LRPPRC: variants seen among roughly 807,000 people sequenced by gnomAD.
LRPPRC encodes the protein leucine-rich PPR motif-containing protein, mitochondrial.
A neutral mutation model predicts 180.3 loss-of-function variants in LRPPRC; 120 were observed. The observed-to-expected ratio is 0.67, with a 90% CI of 0.57 to 0.77. The LOEUF is 0.77. LRPPRC is among the 30% of genes least tolerant of loss of function. The pLI, the probability that LRPPRC is intolerant of heterozygous loss-of-function variation, is 0.00. For missense variants in LRPPRC, 2,012 were observed against 1,657.2 expected (o/e 1.21, Z -3.72); for synonymous variants, 723 against 600.0 (o/e 1.21, Z -3.00).
chr2:43,905,625 G>T, intron 31 of LRPPRC, 67 bp downstream of exon 31: 1 of 1,127,332 alleles, frequency 8.9e-7, no homozygotes, highest in Non-Finnish European at 1.4e-6. Flanking sequence ...CCAAGTATTC[G>T]AAGGGCGTTA....
chr2:43,970,009 A>AT (rs1008072228), intron 11 of LRPPRC, among the ~76,000 whole-genome samples: 1 of 152,056 alleles, frequency 6.6e-6, no homozygotes, highest in African/African-American at 2.4e-5. Flanking sequence ...TAATAACTTA[A>AT]TTTTTTTCAG....
At position 43,918,395 on chromosome 2, in the gene LRPPRC, A is replaced by T; in HGVS notation, c.2900T>A (p.Ile967Lys). The change falls in exon 28 of 38, where the codon ATA becomes AAA. Residue 967 changes from isoleucine (I) to lysine (K), a missense_variant. By Grantham distance (102) the Ile-to-Lys change is moderately radical (BLOSUM62 -3). Coordinates refer to ENST00000260665, the MANE Select transcript of LRPPRC (RefSeq NM_133259.4). ...ATCAGCTCTTTGCCAGTCACCGTTT[A>T]TTTCTGTAGAATTTGATTAAGCAGA... ...MYYNLLKLYK[I>K]NGDWQRADAV... 1 of 1,606,858 alleles carries T rather than the reference A, an allele frequency of 6.2e-7. No homozygotes were observed. Among genetic ancestry groups the T allele is most frequent in the Non-Finnish European group, 8.5e-7 (1 of 1,173,616 alleles).
intron 14 of LRPPRC, among the ~76,000 whole-genome samples, chr2:43,954,833 G>A (rs1673041979): frequency 6.6e-6 from 1 of 152,142 alleles, no homozygotes; most frequent in Non-Finnish European, 1.5e-5. Flanking sequence ...AGATATAAAT[G>A]CTTAGATTTA....
At chr2:43,961,421 T>C (rs1673342695) in intron 12 of LRPPRC, among the ~76,000 whole-genome samples, 1 of 152,138 alleles carries the variant, frequency 6.6e-6, no homozygotes, top group African/African-American at 2.4e-5. Context: ...AGGTGGATAA[T>C]AGGAACAGTA....
At chr2:43,934,146 G>C in intron 25 of LRPPRC, 44 bp downstream of exon 25, 1 of 1,086,560 alleles carries the variant, frequency 9.2e-7, no homozygotes, top group Non-Finnish European at 1.4e-6. Flanking sequence ...CTAATTAAGA[G>C]TCTAAATAGC....
At chr2:43,951,301 C>T (rs922368292) in intron 14 of LRPPRC, among the ~76,000 whole-genome samples, 1 of 152,044 alleles carries the variant, frequency 6.6e-6, no homozygotes, top group African/African-American at 2.4e-5. Flanking sequence ...TTTGGTTAGG[C>T]TACAAAGAGC....
At chr2:43,912,679 T>C (rs1311938716) in intron 29 of LRPPRC, 121 bp from the exon 30 acceptor site, 7 of 704,534 alleles carry the variant, frequency 9.9e-6, no homozygotes, top group African/African-American at 1.8e-5. Flanking sequence ...ACCAACCCAC[T>C]GTTACCACTC....
intron 30 of LRPPRC, among the ~76,000 whole-genome samples, chr2:43,910,397 G>A (rs1671214731): frequency 6.6e-6 from 1 of 152,010 alleles, no homozygotes; most frequent in Non-Finnish European, 1.5e-5. Context: ...ACCACACACG[G>A]CTAATTTTTA....
chr2:43,974,499 G>C (rs1673961590), intron 8 of LRPPRC, 115 bp downstream of exon 8: 1 of 855,056 alleles, frequency 1.2e-6, no homozygotes, highest in Non-Finnish European at 1.9e-6. Context: ...CTGACTTTAA[G>C]AGTTCTATGT....
chr2:43,890,332 C>T (rs1343906089), intron 36 of LRPPRC: 2 of 470,048 alleles, frequency 4.3e-6, no homozygotes, highest in Non-Finnish European at 4.4e-6. Context: ...TCAAGATCAT[C>T]AGCTCAACAT....
In LRPPRC at chr2:43,923,702, GT is replaced by G. The variant is rs796502073; in HGVS notation, c.2896+1364del. On this transcript the variant is annotated intron_variant, in intron 27 of 37. Transcript: ENST00000260665. Reference sequence around the variant, plus strand: ...TCTAGCACACAGTAAGGGCTTCATAGTTTTTTTTTTTTTTTTCTGAATCCAA... The same window carrying G: ...TCTAGCACACAGTAAGGGCTTCATAGTTTTTTTTTTTTTTTCTGAATCCAA... Among the ~76,000 whole-genome samples, 459 of 137,610 alleles carry G rather than the reference GT, an allele frequency of 3.3e-3. 3 individuals are homozygous for G. The highest frequency in any genetic ancestry group is 0.017 in the South Asian group (74 of 4,296). 90.3% of individuals were successfully genotyped at this position (137,610 alleles called of 152,430 possible).
intron 21 of LRPPRC, 50 bp downstream of exon 21, chr2:43,946,063 T>G: frequency 6.3e-7 from 1 of 1,579,914 alleles, no homozygotes; most frequent in Non-Finnish European, 8.7e-7. Flanking sequence ...TATCAAGGTC[T>G]GTAGAGCAGA....
At chr2:43,991,081 G>A (rs910078503) in intron 1 of LRPPRC, among the ~76,000 whole-genome samples, 3 of 150,620 alleles carry the variant, frequency 2.0e-5, no homozygotes, top group Non-Finnish European at 4.4e-5. Context: ...TGAGGCTGGA[G>A]TGCAGTGGCC....
chr2:43,978,962 T>G (rs1674179345), intron 3 of LRPPRC, among the ~76,000 whole-genome samples: 1 of 152,128 alleles, frequency 6.6e-6, no homozygotes, highest in Non-Finnish European at 1.5e-5. Flanking sequence ...CTAAAAATAA[T>G]AACTTCTTGT....
At chr2:43,984,822 G>A (rs1371318490) in intron 1 of LRPPRC, among the ~76,000 whole-genome samples, 2 of 151,962 alleles carry the variant, frequency 1.3e-5, no homozygotes, top group African/African-American at 4.8e-5. Context: ...ACCACATAAG[G>A]GGAAATTATT....
In LRPPRC at chr2:43,974,738, C is replaced by T. The variant is rs767735509; in HGVS notation, c.885G>A (p.Lys295=). 4.3e-6 allele frequency: 7 copies of T among 1,613,612 alleles called. No homozygotes were observed. The highest frequency in any genetic ancestry group is 5.9e-6 in the Non-Finnish European group (7 of 1,179,674). ...CACGGTCCATAAGGTGAAGCTCGGA[C>T]TTCTCCACCTTCTCCAGAGTCTATA... The part of the protein sequence containing the change: ...HVKQTLEKVE[K]SELHLMDRDL... The change falls in exon 8 of 38, where the codon AAG becomes AAA. Residue 295 remains lysine (K), a synonymous_variant. Coordinates refer to ENST00000260665, the MANE Select transcript of LRPPRC (RefSeq NM_133259.4).
intron 27 of LRPPRC, among the ~76,000 whole-genome samples, chr2:43,920,337 T>C (rs1353059348): frequency 6.6e-6 from 1 of 152,126 alleles, no homozygotes. Context: ...GGTTTCACCA[T>C]GTTGGCCAGG....
intron 13 of LRPPRC, chr2:43,959,370 T>A: frequency 3.4e-6 from 2 of 587,622 alleles, no homozygotes; most frequent in Non-Finnish European, 6.1e-6. Flanking sequence ...ACAAATATTT[T>A]AAGCGACATG....
chr2:43,992,075 G>T (rs1002825397), intron 1 of LRPPRC, among the ~76,000 whole-genome samples: 5 of 152,122 alleles, frequency 3.3e-5, no homozygotes, highest in African/African-American at 1.2e-4. Flanking sequence ...CAGAGTGTTG[G>T]TGAGTGCACG....
Sources: allele counts gnomAD v4.1 joint callset (sites outside exome capture counted in the v4.1 genomes callset), GRCh38; gene constraint gnomAD v4.1.1; transcripts MANE v1.5; gene names NCBI Gene and HGNC (gene_info 2026-07-23, HGNC 2026-07-21).